ZNF423: variants seen among roughly 807,000 people sequenced by gnomAD.
ZNF423 encodes the protein zinc finger protein 423.
Under a neutral mutation model 95.8 loss-of-function variants are expected in ZNF423, and 12 were observed. The ratio of observed to expected loss-of-function variants is 0.13; its 90% CI spans 0.08 to 0.20. The LOEUF (loss-of-function observed/expected upper bound fraction) is 0.20. Ranked by LOEUF, ZNF423 falls within the 10% of genes least tolerant of loss-of-function variation. The pLI, the probability that ZNF423 is intolerant of heterozygous loss-of-function variation, is 1.00. For missense variants in ZNF423, 1,316 were observed against 1,737.1 expected (o/e 0.76, Z 4.31); for synonymous variants, 749 against 711.9 (o/e 1.05, Z -0.83).
chr16:49,646,777 T>G (rs1021559956), intron 3 of ZNF423, among the ~76,000 whole-genome samples: 1 of 152,032 alleles, frequency 6.6e-6, no homozygotes, highest in Non-Finnish European at 1.5e-5. Flanking sequence ...TTTCACCATC[T>G]TAGTCAGGCT....
chr16:49,822,971 C>G (rs1008034114), intron 1 of ZNF423, among the ~76,000 whole-genome samples: 1 of 152,172 alleles, frequency 6.6e-6, no homozygotes, highest in Non-Finnish European at 1.5e-5. Flanking sequence ...AGGTCCTTCC[C>G]TGGGGTATGG....
intron 5 of ZNF423, among the ~76,000 whole-genome samples, chr16:49,604,285 A>C (rs1971464483): frequency 6.6e-6 from 1 of 152,202 alleles, no homozygotes; most frequent in African/African-American, 2.4e-5. Flanking sequence ...CATTGGGGTC[A>C]CAGAGGGCTG....
chr16:49,854,309 G>A (rs1376310805), intron 1 of ZNF423: 1 of 985,326 alleles, frequency 1.0e-6, no homozygotes, highest in Non-Finnish European at 1.2e-6. Flanking sequence ...ATATGACGGG[G>A]AGGATCTCTG....
intron 7 of ZNF423, among the ~76,000 whole-genome samples, chr16:49,491,812 C>A (rs1386485519): frequency 6.6e-6 from 1 of 152,166 alleles, no homozygotes; most frequent in African/African-American, 2.4e-5. Context: ...AAGAAACACC[C>A]GAGCGGGCAC....
chr16:49,847,053 A>G (rs1338335058), intron 1 of ZNF423: 1 of 152,240 alleles, frequency 6.6e-6, no homozygotes, highest in Non-Finnish European at 1.5e-5. Context: ...ATTAGGATCA[A>G]CAGAAGAGAT....
chr16:49,610,836 C>T (rs933963069), intron 5 of ZNF423, among the ~76,000 whole-genome samples: 3 of 151,730 alleles, frequency 2.0e-5, no homozygotes, highest in Admixed American at 6.6e-5. Flanking sequence ...ATATATCTTG[C>T]AAACATTCAT....
intron 1 of ZNF423, chr16:49,854,782 G>A (rs1236856031): frequency 8.1e-6 from 8 of 985,190 alleles, no homozygotes; most frequent in Non-Finnish European, 8.4e-6. Flanking sequence ...CCTCGAGCTG[G>A]GGGCCCTCGC....
chr16:49,722,432 CT>C, intron 3 of ZNF423, among the ~76,000 whole-genome samples: 1 of 152,322 alleles, frequency 6.6e-6, no homozygotes, highest in East Asian at 1.9e-4. Flanking sequence ...TCAAAGCATC[CT>C]TTTGTGAAGT....
At chr16:49,533,620 G>C (rs1481165994) in intron 5 of ZNF423, among the ~76,000 whole-genome samples, 1 of 152,194 alleles carries the variant, frequency 6.6e-6, no homozygotes, top group Non-Finnish European at 1.5e-5. Flanking sequence ...ACAGCAAACA[G>C]GACAGCTCAG....
At chr16:49,854,022 G>T in intron 1 of ZNF423, 2 of 985,394 alleles carry the variant, frequency 2.0e-6, no homozygotes, top group Non-Finnish European at 2.4e-6. Flanking sequence ...CAGGGAAAGA[G>T]AAAAGAAATC....
chr16:49,774,487 G>A (rs141389700), intron 2 of ZNF423, among the ~76,000 whole-genome samples: 3 of 152,264 alleles, frequency 2.0e-5, no homozygotes, highest in African/African-American at 2.4e-5. Context: ...TCCTACACAC[G>A]CAGAGCAAAA....
chr16:49,584,912 G>A (rs1970778116), intron 5 of ZNF423, among the ~76,000 whole-genome samples: 1 of 152,184 alleles, frequency 6.6e-6, no homozygotes, highest in African/African-American at 2.4e-5. Flanking sequence ...TTGGGTCTCT[G>A]TTATTCCGGA....
intron 1 of ZNF423, among the ~76,000 whole-genome samples, chr16:49,799,675 C>A (rs1463926070): frequency 6.6e-6 from 1 of 152,226 alleles, no homozygotes; most frequent in Non-Finnish European, 1.5e-5. Flanking sequence ...TTCGGCAACT[C>A]TGCAGAAAGG....
chr16:49,789,381 G>T, intron 2 of ZNF423, 106 bp downstream of exon 2: 1 of 1,104,274 alleles, frequency 9.1e-7, no homozygotes, highest in Non-Finnish European at 1.3e-6. Context: ...AGGCAGGAAT[G>T]TGACACGAAG....
chr16:49,541,674 C>T (rs1218137918), intron 5 of ZNF423, among the ~76,000 whole-genome samples: 1 of 152,192 alleles, frequency 6.6e-6, no homozygotes, highest in Non-Finnish European at 1.5e-5. Context: ...TAATAACACC[C>T]ACCTGTCAAG....
chr16:49,853,987 G>C, intron 1 of ZNF423: 2 of 985,400 alleles, frequency 2.0e-6, no homozygotes, highest in Non-Finnish European at 2.4e-6. Context: ...CTCTTAAGTG[G>C]CTCCTGAAGG....
At chr16:49,537,828 C>G (rs1464873361) in intron 5 of ZNF423, among the ~76,000 whole-genome samples, 1 of 152,204 alleles carries the variant, frequency 6.6e-6, no homozygotes, top group Non-Finnish European at 1.5e-5. Flanking sequence ...TGGGATGCCC[C>G]AAGCTCACAT....
intron 3 of ZNF423, among the ~76,000 whole-genome samples, chr16:49,710,505 G>A (rs984138247): frequency 1.3e-5 from 2 of 152,218 alleles, no homozygotes; most frequent in Non-Finnish European, 2.9e-5. Flanking sequence ...GGCCGACTCT[G>A]GCACTTTCTG....
chr16:49,547,015 A>T (rs1418399148), intron 5 of ZNF423, among the ~76,000 whole-genome samples: 1 of 151,920 alleles, frequency 6.6e-6, no homozygotes, highest in African/African-American at 2.4e-5. Flanking sequence ...TTTCCAGAAA[A>T]AAAAAAAAAA....
Sources: gnomAD v4.1 joint callset for allele counts (sites outside exome capture counted in the v4.1 genomes callset) on GRCh38, gnomAD v4.1.1 for gene constraint, MANE v1.5 for transcripts, NCBI Gene and HGNC (gene_info 2026-07-23, HGNC 2026-07-21) for gene names.